The following GALNTL6 variants were observed in gnomAD, a reference collection of about 807,000 sequenced individuals.
The protein encoded by GALNTL6 is polypeptide N-acetylgalactosaminyltransferase-like 6.
In GALNTL6, 46 loss-of-function variants were observed where a neutral mutation model predicts 73.7. That is an observed-to-expected ratio of 0.62 (90% CI 0.49 to 0.80). The LOEUF is 0.80. Among genes scored for constraint, GALNTL6 ranks in the 30% least tolerant of loss-of-function variants. The probability of loss-of-function intolerance (pLI) is 0.00; values close to 1 mark genes in which losing one functional copy is unlikely to be tolerated. For missense variants in GALNTL6, 604 were observed against 755.0 expected, an observed-to-expected ratio of 0.80 and a Z score of 2.34; for synonymous variants, 259 against 263.7, an observed-to-expected ratio of 0.98 and a Z score of 0.17.
At chr4:172,723,919 T>TC (rs1735645375) in intron 5 of GALNTL6, among the ~76,000 whole-genome samples, 4 of 152,268 alleles carry the variant, frequency 2.6e-5, no homozygotes, top group Non-Finnish European at 4.4e-5. Context: ...ACTGATATGA[T>TC]ATATCAGTGA....
chr4:172,140,100 C>T (rs187931350), intron 2 of GALNTL6, among the ~76,000 whole-genome samples: 42 of 152,094 alleles, frequency 2.8e-4, no homozygotes, highest in African/African-American at 9.9e-4. Context: ...CAAATTTCTG[C>T]TCTCATAATC....
chr4:172,100,545 T>A (rs930794455), intron 2 of GALNTL6, among the ~76,000 whole-genome samples: 3 of 152,126 alleles, frequency 2.0e-5, no homozygotes, highest in African/African-American at 7.2e-5. Context: ...CAAAAGGAAA[T>A]GGTAAAGCTG....
At chr4:172,667,042 T>A (rs1186579816) in intron 5 of GALNTL6, 1 of 152,250 alleles carries the variant, frequency 6.6e-6, no homozygotes, top group African/African-American at 2.4e-5. Flanking sequence ...CCTACGAGAA[T>A]GATAAGTCCA....
At chr4:171,968,617 T>A (rs993556609) in intron 2 of GALNTL6, among the ~76,000 whole-genome samples, 2 of 152,180 alleles carry the variant, frequency 1.3e-5, no homozygotes, top group Admixed American at 6.5e-5. Context: ...ACGACATGAA[T>A]TTTGAGAAGA....
At chr4:172,985,182 T>C (rs1384334516) in intron 10 of GALNTL6, among the ~76,000 whole-genome samples, 1 of 151,972 alleles carries the variant, frequency 6.6e-6, no homozygotes, top group Non-Finnish European at 1.5e-5. Context: ...GAGAGAGAAA[T>C]GAACAGCAAG....
chr4:172,553,730 A>T (rs896898297), intron 5 of GALNTL6, among the ~76,000 whole-genome samples: 8 of 152,100 alleles, frequency 5.3e-5, no homozygotes, highest in African/African-American at 1.9e-4. Context: ...CATATCTCTT[A>T]TCTCCTTTCC....
intron 5 of GALNTL6, among the ~76,000 whole-genome samples, chr4:172,805,709 A>G (rs1740916102): frequency 6.6e-6 from 1 of 152,220 alleles, no homozygotes; most frequent in Admixed American, 6.5e-5. Context: ...CAATACTTGA[A>G]TTAAAATAAT....
At chr4:172,195,309 A>C (rs1442798827) in intron 2 of GALNTL6, among the ~76,000 whole-genome samples, 1 of 152,170 alleles carries the variant, frequency 6.6e-6, no homozygotes, top group Admixed American at 6.5e-5. Flanking sequence ...GAGACCTACA[A>C]AGAGACTTAG....
At chr4:172,744,534 T>C (rs1736984549) in intron 5 of GALNTL6, among the ~76,000 whole-genome samples, 1 of 152,152 alleles carries the variant, frequency 6.6e-6, no homozygotes, top group Non-Finnish European at 1.5e-5. Context: ...ATCAGGGTTC[T>C]GGTCACCAGA....
intron 2 of GALNTL6, among the ~76,000 whole-genome samples, chr4:171,942,302 A>C (rs946193438): frequency 4.0e-5 from 6 of 149,010 alleles, no homozygotes; most frequent in Admixed American, 2.7e-4. Context: ...GAGAAAAATG[A>C]GGGGAGGAGG....
At chr4:172,022,098 G>A (rs1330161406) in intron 2 of GALNTL6, among the ~76,000 whole-genome samples, 1 of 151,964 alleles carries the variant, frequency 6.6e-6, no homozygotes, top group African/African-American at 2.4e-5. Flanking sequence ...ATCACATCAA[G>A]TTAAAAAGCT....
intron 5 of GALNTL6, among the ~76,000 whole-genome samples, chr4:172,552,398 A>G (rs561694481): frequency 2.0e-5 from 3 of 152,262 alleles, no homozygotes; most frequent in African/African-American, 4.8e-5. Context: ...TTGAATTGCC[A>G]GTGCAAATAT....
chr4:172,115,822 GAAT>G (rs1194451846), intron 2 of GALNTL6, among the ~76,000 whole-genome samples: 4 of 151,814 alleles, frequency 2.6e-5, no homozygotes, highest in Non-Finnish European at 4.4e-5. Context: ...TTACAGTGAG[GAAT>G]AATAATGTCT....
chr4:172,164,506 CT>C (rs1734565070), intron 2 of GALNTL6, among the ~76,000 whole-genome samples: 1 of 151,902 alleles, frequency 6.6e-6, no homozygotes. Context: ...TTTTAATATA[CT>C]TTATTAGTCA....
intron 5 of GALNTL6, among the ~76,000 whole-genome samples, chr4:172,711,021 TAGAG>T (rs1189131773): frequency 1.3e-5 from 2 of 152,066 alleles, no homozygotes; most frequent in African/African-American, 2.4e-5. Flanking sequence ...GCCTGCAACC[TAGAG>T]AGAGAGCAAG....
intron 5 of GALNTL6, among the ~76,000 whole-genome samples, chr4:172,763,128 A>C (rs549162571): frequency 6.6e-6 from 1 of 152,292 alleles, no homozygotes; most frequent in East Asian, 1.9e-4. Flanking sequence ...AAGGGAGAAG[A>C]AAACAGTTAT....
At chr4:172,369,969 C>T (rs548329972) in intron 5 of GALNTL6, among the ~76,000 whole-genome samples, 59 of 152,330 alleles carry the variant, frequency 3.9e-4, no homozygotes, top group African/African-American at 1.3e-3. Context: ...GAGTGGATGC[C>T]GAGGCCAAGG....
At chr4:172,005,882 A>G (rs1038835607) in intron 2 of GALNTL6, among the ~76,000 whole-genome samples, 1 of 152,182 alleles carries the variant, frequency 6.6e-6, no homozygotes, top group South Asian at 2.1e-4. Context: ...TTAAATAACT[A>G]TTGAAGTGCC....
In GALNTL6 at chr4:171,840,645, G is replaced by T. The variant is rs1735214823; in HGVS notation, c.138+25927G>T. On this transcript the variant is annotated intron_variant, in intron 2 of 12. Transcript: ENST00000506823. ...CTTTGGAGTAGAACAGTACTCCAGG[G>T]AGAGAAAAGACAAATTAATTAACTC... Among the ~76,000 whole-genome samples the T allele has an allele frequency of 2.0e-5, 3 of 152,098 alleles. 1 individual carries two copies. The South Asian group carries it at 6.2e-4, about 31-fold the overall frequency.
Sources: gnomAD v4.1 joint callset for allele counts (sites outside exome capture counted in the v4.1 genomes callset) on GRCh38, gnomAD v4.1.1 for gene constraint, MANE v1.5 for transcripts, NCBI Gene and HGNC (gene_info 2026-07-23, HGNC 2026-07-21) for gene names.